RFX2: variants seen among roughly 807,000 people sequenced by gnomAD.
The protein encoded by RFX2 is DNA-binding protein RFX2.
In RFX2, 20 loss-of-function variants were observed where a neutral mutation model predicts 87.8. That is an observed-to-expected ratio of 0.23 (90% CI 0.16 to 0.33). The LOEUF (loss-of-function observed/expected upper bound fraction) is 0.33, where lower values mean the gene tolerates loss of function less well. RFX2 is among the 10% of genes least tolerant of loss of function. The probability of loss-of-function intolerance (pLI) is 1.00; values close to 1 mark genes in which losing one functional copy is unlikely to be tolerated. For synonymous variants in RFX2, 397 were observed against 431.3 expected (o/e 0.92, Z 0.98); for missense variants, 767 against 1,012.3 (o/e 0.76, Z 3.29).
chr19:6,082,828 G>A (rs578099200), intron 1 of RFX2, among the ~76,000 whole-genome samples: 10 of 152,288 alleles, frequency 6.6e-5, no homozygotes, highest in African/African-American at 2.2e-4. Flanking sequence ...GAGTGTGGCC[G>A]CTGCACTCAG....
intron 1 of RFX2, among the ~76,000 whole-genome samples, chr19:6,058,141 T>C (rs778560352): frequency 2.6e-5 from 4 of 152,218 alleles, no homozygotes; most frequent in Admixed American, 6.5e-5. Flanking sequence ...GTGTCCCCAC[T>C]TGGCACTGTG....
In RFX2 at chr19:6,004,105, G is replaced by A. The variant is rs993650849; in HGVS notation, c.1500+96C>T. 1.8e-4 allele frequency: 170 copies of A among 944,898 alleles called. 1 individual carries two copies. Among genetic ancestry groups the A allele is most frequent in the Non-Finnish European group, 2.7e-4 (153 of 576,560 alleles). The allele number at this position is 944,898 out of a possible 1,614,324, so 58.5% of individuals were successfully genotyped here. A position where few individuals can be genotyped will look rare whatever the true frequency, so the allele number is the denominator to read the frequency against. ...GTTACTCTCATGACGCAGGGAAGAA[G>A]CCAGCGCTCTCTGGGACACAGTGGT... is the stretch of plus-strand genomic sequence containing the variant. On this transcript the variant is annotated intron_variant, in intron 13 of 17. Coordinates refer to ENST00000303657, the MANE Select transcript of RFX2 (RefSeq NM_000635.4). This position sits in a 1 kb window ranked among gnomAD's most constrained non-coding sequence, Gnocchi z 4.8.
chr19:6,009,450 G>C (rs1051672810), intron 9 of RFX2, among the ~76,000 whole-genome samples: 1 of 152,180 alleles, frequency 6.6e-6, no homozygotes, highest in Non-Finnish European at 1.5e-5. Context: ...AGCCCCCAGG[G>C]AAGAGGCCAA....
chr19:6,016,866 T>C lies in RFX2; in HGVS notation c.598-595A>G, dbSNP rs1385835407. ...TAGCTTCTGTCTTCAGTCCCTTAAA[T>C]GAAATACCCACACACCACACAGGCT... On this transcript the variant is annotated intron_variant, in intron 6 of 17. Transcript: ENST00000303657. The surrounding 1 kb of genome is among the most constrained non-coding windows in gnomAD (Gnocchi z 5.4). Among the ~76,000 whole-genome samples, 1 of 152,162 alleles carries C rather than the reference T, an allele frequency of 6.6e-6. No homozygotes were observed. The highest frequency in any genetic ancestry group is 2.4e-5 in the African/African-American group (1 of 41,434).
At chr19:6,107,649 C>T (rs973515761) in intron 1 of RFX2, among the ~76,000 whole-genome samples, 1 of 113,250 alleles carries the variant, frequency 8.8e-6, no homozygotes, top group Admixed American at 8.2e-5. Flanking sequence ...AAAAAATCCA[C>T]AGGTGCATTT....
intron 1 of RFX2, chr19:6,071,992 G>A (rs1052907432): frequency 6.6e-5 from 10 of 152,228 alleles, no homozygotes; most frequent in African/African-American, 2.4e-4. Context: ...CCTGAAAGCA[G>A]CGAGCAACTC....
intron 1 of RFX2, chr19:6,057,134 C>T (rs1397032472): frequency 6.6e-6 from 1 of 152,260 alleles, no homozygotes; most frequent in Non-Finnish European, 1.5e-5. Context: ...TGACCTTGAA[C>T]GAACATTCAA....
In RFX2 at chr19:6,047,333, T is replaced by G; in HGVS notation, c.90+74A>C. On this transcript the variant is annotated intron_variant, in intron 2 of 17. Transcript: ENST00000303657. The surrounding 1 kb of genome is among the most constrained non-coding windows in gnomAD (Gnocchi z 4.2). ...ATACAGATTCCTCTCTTTGCAGATC[T>G]GAGCAGCTTTCAAACCCATAGAGAT... 8.5e-7 allele frequency: 1 copy of G among 1,178,622 alleles called. No homozygotes were observed. The highest frequency in any genetic ancestry group is 1.2e-6 in the Non-Finnish European group (1 of 831,904). The allele number at this position is 1,178,622 out of a possible 1,614,324, so 73.0% of individuals were successfully genotyped here.
intron 1 of RFX2, among the ~76,000 whole-genome samples, chr19:6,109,645 T>TC (rs2088274216): frequency 6.6e-6 from 1 of 151,610 alleles, no homozygotes; most frequent in Non-Finnish European, 1.5e-5. Flanking sequence ...CGACTAAGAG[T>TC]GACAGAAGGG....
chr19:6,080,839 C>G (rs1281688585), intron 1 of RFX2, among the ~76,000 whole-genome samples: 1 of 151,956 alleles, frequency 6.6e-6, no homozygotes, highest in African/African-American at 2.4e-5. Context: ...AGTTTGAGAC[C>G]AGCCTGGCCA....
intron 1 of RFX2, among the ~76,000 whole-genome samples, chr19:6,084,643 C>CTTTCTTTTTTTTTT (rs372303921): frequency 6.9e-6 from 1 of 145,366 alleles, no homozygotes; most frequent in African/African-American, 2.7e-5. Flanking sequence ...TTCTTTCTTT[C>CTTTCTTTTTTTTTT]TTTTTTTTGA....
At chr19:6,090,894 A>G (rs2087924293) in intron 1 of RFX2, among the ~76,000 whole-genome samples, 1 of 152,144 alleles carries the variant, frequency 6.6e-6, no homozygotes, top group South Asian at 2.1e-4. Flanking sequence ...ATATTACCCA[A>G]CCTTCCAGGG....
rs2086822046 is a variant in RFX2 at position 6,022,153 on chromosome 19, T to TGGGAGGCGCAGGGG, written c.597+4009_597+4010insCCCCTGCGCCTCCC. On this transcript the variant is annotated intron_variant, in intron 6 of 17. Transcript: ENST00000303657. The surrounding 1 kb of genome is among the most constrained non-coding windows in gnomAD (Gnocchi z 6.2). ...GGGGTTGTGGGAGGCGCAGGGGTTGTTGAGGGTGGAGGCCACGCACTGAGC... is the reference window on the plus strand; with the variant it reads ...GGGGTTGTGGGAGGCGCAGGGGTTGTGGGAGGCGCAGGGGTGAGGGTGGAGGCCACGCACTGAGC... 6.6e-6 allele frequency among the ~76,000 whole-genome samples: 1 copy of TGGGAGGCGCAGGGG among 151,970 alleles called. No individual in the cohort carries two copies. The highest frequency in any genetic ancestry group is 2.4e-5 in the African/African-American group (1 of 41,372).
At chr19:6,008,794 C>T (rs975712580) in intron 9 of RFX2, among the ~76,000 whole-genome samples, 1 of 151,580 alleles carries the variant, frequency 6.6e-6, no homozygotes, top group African/African-American at 2.4e-5. Context: ...TCTCCTGTCT[C>T]AGCCTCTTGA....
chr19:5,998,134 G>A lies in RFX2; in HGVS notation c.1860-921C>T, dbSNP rs1329556752. ...ACCAGCCTGGCCAACATGGTGAAAC[G>A]CCATCTCTACTAAGAATACAAAAAT... is the stretch of plus-strand genomic sequence containing the variant. On this transcript the variant is annotated intron_variant, in intron 15 of 17. Transcript: ENST00000303657. The surrounding 1 kb of genome is among the most constrained non-coding windows in gnomAD (Gnocchi z 4.2). Among the ~76,000 whole-genome samples, 2 of 152,022 alleles carry A rather than the reference G, an allele frequency of 1.3e-5. No individual in the cohort carries two copies. Among genetic ancestry groups the A allele is most frequent in the Non-Finnish European group, 2.9e-5 (2 of 67,980 alleles).
chr19:6,042,105 C>G lies in RFX2; in HGVS notation c.199G>C (p.Val67Leu). The G allele has an allele frequency of 1.2e-6, 2 of 1,613,942 alleles. No individual in the cohort carries two copies. The highest frequency in any genetic ancestry group is 1.7e-6 in the Non-Finnish European group (2 of 1,180,002). ...VPQQVQPVQHVYPAQVQYVEG... is the reference protein window; with the variant it reads ...VPQQVQPVQHLYPAQVQYVEG... Reference sequence around the variant, plus strand: ...ACGTACTGCACCTGGGCAGGATACACGTGCTGCACCGGCTGCACCTGAAAC... The same window carrying G: ...ACGTACTGCACCTGGGCAGGATACAGGTGCTGCACCGGCTGCACCTGAAAC... Residue 67 changes from valine (V) to leucine (L), a missense_variant, in exon 4 of 18, where the codon GTG becomes CTG. Physicochemically the swap from Val to Leu is conservative, Grantham distance 32. This residue lies in a region of RFX2 where 146 missense variants were observed against 139.2 expected (regional missense o/e 1.05). Transcript: ENST00000303657.
At chr19:6,054,111 G>A (rs1382229413) in intron 1 of RFX2, among the ~76,000 whole-genome samples, 1 of 151,784 alleles carries the variant, frequency 6.6e-6, no homozygotes, top group Admixed American at 6.6e-5. Flanking sequence ...TGATAATAGA[G>A]AACTATTACA....
chr19:6,053,442 C>T (rs1159806123), intron 1 of RFX2, among the ~76,000 whole-genome samples: 1 of 152,144 alleles, frequency 6.6e-6, no homozygotes. Context: ...TTGTCCAAAC[C>T]ATAGAATGTA....
chr19:6,094,513 A>T (rs1354748620), intron 1 of RFX2, among the ~76,000 whole-genome samples: 1 of 152,154 alleles, frequency 6.6e-6, no homozygotes, highest in Non-Finnish European at 1.5e-5. Context: ...ACGGCTATGA[A>T]GTATCTGCAC....
Sources: gnomAD v4.1 joint callset for allele counts (sites outside exome capture counted in the v4.1 genomes callset) on GRCh38, gnomAD v4.1.1 for gene constraint, gnomAD v4.1.1 regional missense constraint, Gnocchi (gnomAD v3.1) non-coding constraint, MANE v1.5 for transcripts, NCBI Gene and HGNC (gene_info 2026-07-23, HGNC 2026-07-21) for gene names.